The following SMN2 variants were observed in gnomAD, a reference collection of about 807,000 sequenced individuals.
SMN2 encodes survival of motor neuron 2, centromeric, also known as survival motor neuron protein.
In SMN2, 1 loss-of-function variant was observed where a neutral mutation model predicts 2.8. The observed-to-expected ratio is 0.35, with a 90% CI of 0.13 to 1.68. SMN2 has a LOEUF of 1.68. Ranked by LOEUF, SMN2 falls within the 40% of genes most tolerant of loss-of-function variation. SMN2 has a pLI of 0.35. For missense variants in SMN2, 12 were observed against 16.9 expected, an observed-to-expected ratio of 0.71 and a Z score of 0.51; for synonymous variants, 5 against 5.0, an observed-to-expected ratio of 0.99 and a Z score of 0.01.
At chr5:70,071,506 A>AT (rs1299513679) in intron 7 of SMN2, 1 of 120,424 alleles carries the variant, frequency 8.3e-6, no homozygotes, top group East Asian at 2.4e-4. Context: ...AAATTATTTT[A>AT]TTTTATTTTA....
chr5:70,084,096 A>C, the SMN2 span, among the ~76,000 whole-genome samples: 5 of 83,966 alleles, frequency 6.0e-5, 1 homozygote, highest in South Asian at 1.9e-3. Flanking sequence ...TTTGTTTCTA[A>C]TCATTTGTTA....
At chr5:70,088,669 C>T in the SMN2 span, among the ~76,000 whole-genome samples, 1 of 120,890 alleles carries the variant, frequency 8.3e-6, no homozygotes, top group Non-Finnish European at 1.7e-5. Flanking sequence ...GAACTCCTGA[C>T]CTCAAGTGAT....
the SMN2 span, among the ~76,000 whole-genome samples, chr5:70,084,275 C>T: frequency 2.6e-5 from 2 of 78,062 alleles, no homozygotes; most frequent in African/African-American, 7.1e-5. Flanking sequence ...CAACCTCCGC[C>T]TCCCAGGTTC....
At chr5:70,083,858 G>C in the SMN2 span, among the ~76,000 whole-genome samples, 2,896 of 129,778 alleles carry the variant, frequency 0.022, 458 homozygotes, top group African/African-American at 0.1. Flanking sequence ...TGCTAAATGA[G>C]GAGTTAATTG....
intron 1 of SMN2, among the ~76,000 whole-genome samples, chr5:70,052,427 G>T (rs1337507120): frequency 5.7e-5 from 2 of 35,266 alleles, no homozygotes; most frequent in Non-Finnish European, 1.3e-4. Context: ...TATAATCCCA[G>T]CTACTCGGGA....
chr5:70,083,272 A>C (rs1341643339), downstream of SMN2, among the ~76,000 whole-genome samples: 39 of 119,288 alleles, frequency 3.3e-4, 4 homozygotes, highest in Admixed American at 5.2e-4. Flanking sequence ...GGAGAGCTTT[A>C]CTTCCAACTA....
At chr5:70,052,860 C>T (rs1580726778) in intron 1 of SMN2, among the ~76,000 whole-genome samples, 1 of 110,594 alleles carries the variant, frequency 9.0e-6, no homozygotes, top group African/African-American at 3.2e-5. Flanking sequence ...CCATCCTGGG[C>T]GACAAAATGA....
chr5:70,085,301 G>A, the SMN2 span, among the ~76,000 whole-genome samples: 1 of 129,434 alleles, frequency 7.7e-6, no homozygotes, highest in Non-Finnish European at 1.6e-5. Flanking sequence ...GAGTGCAATG[G>A]CATAATCTCG....
At chr5:70,068,405 G>A (rs1204451926) in intron 5 of SMN2, among the ~76,000 whole-genome samples, 1 of 28,088 alleles carries the variant, frequency 3.6e-5, no homozygotes, top group Non-Finnish European at 5.3e-5. Flanking sequence ...TTGCTCTGTC[G>A]CTCAGGCTGG....
chr5:70,076,638 C>G, intron 8 of SMN2, 64 bp downstream of exon 8: 1 of 1,416,830 alleles, frequency 7.1e-7, no homozygotes, highest in Non-Finnish European at 9.6e-7. Flanking sequence ...TTGTGGAAAA[C>G]AAATGTTTTT....
intron 1 of SMN2, among the ~76,000 whole-genome samples, chr5:70,052,971 G>A (rs1774498181): frequency 1.0e-5 from 1 of 96,068 alleles, no homozygotes; most frequent in Admixed American, 1.1e-4. Context: ...ACTAGTAGGA[G>A]TAAGTTGCAG....
rs1774760757 is a variant in SMN2 at position 70,076,550 on chromosome 5, G to A, written c.864G>A (p.Arg288=). The change falls in exon 8 of 9, where the codon AGG becomes AGA. Residue 288 remains arginine (R), a synonymous_variant. Transcript: ENST00000380743. ...TTAGACAAAATCAAAAAGAAGGAAGGTGCTCACATTCCTTAAATTAAGGAG... is the reference window on the plus strand; with the variant it reads ...TTAGACAAAATCAAAAAGAAGGAAGATGCTCACATTCCTTAAATTAAGGAG... ...MGFRQNQKEG[R]CSHSLN The A allele has an allele frequency of 6.8e-7, 1 of 1,464,020 alleles. No individual in the cohort carries two copies. Among genetic ancestry groups the A allele is most frequent in the Non-Finnish European group, 9.3e-7 (1 of 1,078,318 alleles). The allele number at this position is 1,464,020 out of a possible 1,614,324, so 90.7% of individuals were successfully genotyped here. A position where few individuals can be genotyped will look rare whatever the true frequency, so the allele number is the denominator to read the frequency against.
chr5:70,083,846 A>G, the SMN2 span, among the ~76,000 whole-genome samples: 1 of 132,752 alleles, frequency 7.5e-6, no homozygotes, highest in Non-Finnish European at 1.5e-5. Context: ...AGATATACCT[A>G]ATGCTAAATG....
intron 7 of SMN2, among the ~76,000 whole-genome samples, chr5:70,076,183 AT>A (rs1393793567): frequency 9.8e-6 from 1 of 102,074 alleles, no homozygotes; most frequent in African/African-American, 4.8e-5. Context: ...TAATTTTTAA[AT>A]TTTTTGTAGA....
chr5:70,075,232 G>T (rs1259073828), intron 7 of SMN2, among the ~76,000 whole-genome samples: 4 of 72,392 alleles, frequency 5.5e-5, no homozygotes, highest in East Asian at 7.0e-4. Flanking sequence ...TTTTTTTTTT[G>T]AGAGGGTGTC....
intron 7 of SMN2, among the ~76,000 whole-genome samples, chr5:70,075,944 C>T (rs1240691154): frequency 8.0e-6 from 1 of 124,660 alleles, no homozygotes; most frequent in Non-Finnish European, 1.6e-5. Context: ...GCCTCCGCCT[C>T]CTGGGTTCAA....
chr5:70,088,301 AGTT>A, the SMN2 span, among the ~76,000 whole-genome samples: 851 of 104,438 alleles, frequency 8.1e-3, 110 homozygotes, highest in African/African-American at 0.039. Context: ...GGTACCGAGA[AGTT>A]GGGCATTGCT....
chr5:70,079,725 C>T (rs1167751035), downstream of SMN2, among the ~76,000 whole-genome samples: 1 of 132,428 alleles, frequency 7.6e-6, no homozygotes, highest in East Asian at 2.2e-4. Flanking sequence ...CACCATTGCA[C>T]TTCAGCCTGG....
At chr5:70,052,861 G>A (rs1774490879) in intron 1 of SMN2, among the ~76,000 whole-genome samples, 4 of 116,564 alleles carry the variant, frequency 3.4e-5, no homozygotes, top group East Asian at 2.3e-4. Flanking sequence ...CATCCTGGGC[G>A]ACAAAATGAG....
Sources: allele counts gnomAD v4.1 joint callset (sites outside exome capture counted in the v4.1 genomes callset), GRCh38; gene constraint gnomAD v4.1.1; transcripts MANE v1.5; gene names NCBI Gene and HGNC (gene_info 2026-07-23, HGNC 2026-07-21).